Variants in AFAP1L2 observed in about 807,000 individuals in gnomAD.
AFAP1L2 encodes actin filament associated protein 1 like 2, also known as actin filament-associated protein 1-like 2.
AFAP1L2 carries 46 observed loss-of-function variants against 99.3 expected under a neutral mutation model. The observed-to-expected ratio is 0.46, with a 90% CI of 0.37 to 0.59. AFAP1L2 has a LOEUF of 0.59. Ranked by LOEUF, AFAP1L2 falls within the 20% of genes least tolerant of loss-of-function variation. AFAP1L2 has a pLI of 0.00. For missense variants in AFAP1L2, 959 were observed against 1,034.9 expected (o/e 0.93, Z 1.01); for synonymous variants, 397 against 419.1 (o/e 0.95, Z 0.64).
chr10:114,286,328 G>T, the AFAP1L2 span: 1 of 1,612,818 alleles, frequency 6.2e-7, no homozygotes, highest in Non-Finnish European at 8.5e-7. Context: ...TGAGGTTGCG[G>T]GCCCAGCGCG....
chr10:114,296,676 T>C (rs2040283088), intron 18 of AFAP1L2: 2 of 351,956 alleles, frequency 5.7e-6, no homozygotes, highest in Non-Finnish European at 1.1e-5. Flanking sequence ...TCAGTCATAA[T>C]CTGTCCCTGA....
chr10:114,307,453 A>G (rs1564816155), intron 10 of AFAP1L2, among the ~76,000 whole-genome samples: 1 of 151,886 alleles, frequency 6.6e-6, no homozygotes, highest in Non-Finnish European at 1.5e-5. Context: ...GTGAGCTCTC[A>G]GTACTGTGCC....
At chr10:114,328,289 G>A (rs1241555603) in intron 4 of AFAP1L2, among the ~76,000 whole-genome samples, 1 of 152,178 alleles carries the variant, frequency 6.6e-6, no homozygotes, top group Non-Finnish European at 1.5e-5. Context: ...TCCCGAGCCT[G>A]TGACCGAGGC....
chr10:114,302,947 C>CAACA (rs1306224005), intron 11 of AFAP1L2, among the ~76,000 whole-genome samples: 1 of 152,148 alleles, frequency 6.6e-6, no homozygotes, highest in African/African-American at 2.4e-5. Context: ...CAAGAAATAA[C>CAACA]AACATTCAAA....
chr10:114,379,566 G>C (rs1257640303), intron 1 of AFAP1L2, among the ~76,000 whole-genome samples: 1 of 152,228 alleles, frequency 6.6e-6, no homozygotes, highest in African/African-American at 2.4e-5. Flanking sequence ...TAGAGACAGG[G>C]AGGAAGAAGA....
chr10:114,284,815 C>A, the AFAP1L2 span: 1 of 1,538,786 alleles, frequency 6.5e-7, no homozygotes, highest in Middle Eastern at 2.2e-4. Context: ...GTCCTCTCCA[C>A]TCCTCTGTGC....
the AFAP1L2 span, among the ~76,000 whole-genome samples, chr10:114,286,848 C>T: frequency 6.6e-6 from 1 of 152,202 alleles, no homozygotes; most frequent in African/African-American, 2.4e-5. Context: ...TCTGAATCTA[C>T]TAAGCAGGCT....
chr10:114,332,535 C>T (rs551119787), intron 3 of AFAP1L2, among the ~76,000 whole-genome samples: 5 of 152,330 alleles, frequency 3.3e-5, no homozygotes, highest in Admixed American at 3.3e-4. Context: ...GAGTGCTTTG[C>T]CATGCTGTGT....
At chr10:114,383,956 A>C (rs1231901293) in intron 1 of AFAP1L2, among the ~76,000 whole-genome samples, 1 of 152,146 alleles carries the variant, frequency 6.6e-6, no homozygotes, top group Non-Finnish European at 1.5e-5. Context: ...CAACCTCGTC[A>C]CAGGAAGAAT....
chr10:114,382,595 T>TTTG (rs58775249), intron 1 of AFAP1L2, among the ~76,000 whole-genome samples: 2,988 of 145,862 alleles, frequency 0.02, 136 homozygotes, highest in African/African-American at 0.071. Flanking sequence ...TCTCTTTTTT[T>TTTG]TTTTTTTTTT....
At position 114,299,335 on chromosome 10, in the gene AFAP1L2, C is replaced by T. The variant is rs2040750843; in HGVS notation, c.2038G>A (p.Glu680Lys). Reference protein sequence around the residue: ...EEKERLEKKKEEIRGHLAQLR... With the variant: ...EEKERLEKKKKEIRGHLAQLR... ...TGAGCCAGGTGCCCCCGGATTTCTT[C>T]CTTCTTCTTTTCAAGCCTCTCCTTC... Residue 680 changes from glutamate to lysine, a missense_variant, in exon 16 of 19, where the codon GAA becomes AAA. Coordinates refer to ENST00000304129, the MANE Select transcript of AFAP1L2 (RefSeq NM_001001936.3). 6.2e-7 allele frequency: 1 copy of T among 1,614,112 alleles called. No homozygotes were observed. The highest frequency in any genetic ancestry group is 1.1e-5 in the South Asian group (1 of 91,082).
At chr10:114,290,188 G>A (rs1051973713), downstream of AFAP1L2, 12 of 1,542,002 alleles carry the variant, frequency 7.8e-6, no homozygotes, top group South Asian at 4.8e-5. Flanking sequence ...AGGGGTCTTC[G>A]GGTCTAACCC....
intron 5 of AFAP1L2, among the ~76,000 whole-genome samples, chr10:114,320,476 G>T (rs2045027103): frequency 6.6e-6 from 1 of 152,216 alleles, no homozygotes; most frequent in Non-Finnish European, 1.5e-5. Flanking sequence ...TGTAAGGCAG[G>T]TGAAGGCCTC....
At chr10:114,323,028 A>T in intron 5 of AFAP1L2, 143 bp downstream of exon 5, 1 of 732,318 alleles carries the variant, frequency 1.4e-6, no homozygotes, top group Non-Finnish European at 2.2e-6. Context: ...AATTTGGACC[A>T]TGCTTTCCTG....
At chr10:114,298,917 G>T (rs1205807038) in intron 16 of AFAP1L2, among the ~76,000 whole-genome samples, 2 of 152,182 alleles carry the variant, frequency 1.3e-5, no homozygotes, top group Non-Finnish European at 2.9e-5. Context: ...CAAAAAATCT[G>T]CAGTGCCAGG....
At chr10:114,285,855 G>C in the AFAP1L2 span, 1 of 1,373,010 alleles carries the variant, frequency 7.3e-7, no homozygotes, top group Non-Finnish European at 9.7e-7. Flanking sequence ...TCTCCCTCCT[G>C]GGAGATGTTC....
intron 2 of AFAP1L2, among the ~76,000 whole-genome samples, chr10:114,339,262 C>T (rs929948160): frequency 1.3e-5 from 2 of 152,072 alleles, no homozygotes; most frequent in South Asian, 2.1e-4. Flanking sequence ...ATCAAGACCA[C>T]GGTGAAACCC....
At chr10:114,381,490 G>A (rs532229182) in intron 1 of AFAP1L2, among the ~76,000 whole-genome samples, 19 of 152,262 alleles carry the variant, frequency 1.2e-4, no homozygotes, top group East Asian at 1.2e-3. Flanking sequence ...GCCCATGTCC[G>A]TGAATATACC....
At chr10:114,339,185 G>C (rs1411238982) in intron 2 of AFAP1L2, among the ~76,000 whole-genome samples, 1 of 152,228 alleles carries the variant, frequency 6.6e-6, no homozygotes, top group Non-Finnish European at 1.5e-5. Context: ...TAGGCCGGGC[G>C]CGGTGGCTCA....
Sources: allele counts gnomAD v4.1 joint callset (sites outside exome capture counted in the v4.1 genomes callset), GRCh38; gene constraint gnomAD v4.1.1; transcripts MANE v1.5; gene names NCBI Gene and HGNC (gene_info 2026-07-23, HGNC 2026-07-21).